WNT8B: variants seen among roughly 807,000 people sequenced by gnomAD.
WNT8B encodes protein Wnt-8b.
A neutral mutation model predicts 36.6 loss-of-function variants in WNT8B; 24 were observed. The observed-to-expected ratio is 0.66, with a 90% CI of 0.48 to 0.92. The LOEUF is 0.92. WNT8B is among the 40% of genes least tolerant of loss of function. The probability of loss-of-function intolerance (pLI) is 0.00; values close to 1 mark genes in which losing one functional copy is unlikely to be tolerated. For missense variants in WNT8B, 402 were observed against 470.8 expected (o/e 0.85, Z 1.35); for synonymous variants, 199 against 189.8 (o/e 1.05, Z -0.40).
intron 1 of WNT8B, among the ~76,000 whole-genome samples, chr10:100,463,675 G>C (rs1372714552): frequency 6.6e-6 from 1 of 151,694 alleles, no homozygotes; most frequent in Non-Finnish European, 1.5e-5. Flanking sequence ...TTTTTTTCAG[G>C]ATATTCTAAG....
chr10:100,479,970 G>C lies in WNT8B; in HGVS notation c.199G>C (p.Glu67Gln). 1 of 1,613,886 alleles carries C rather than the reference G, an allele frequency of 6.2e-7. No individual in the cohort carries two copies. The change falls in exon 3 of 6, where the codon GAG (glutamate) becomes CAG (glutamine). Residue 67 changes from glutamate to glutamine, a missense_variant. This residue lies in a region of WNT8B where 131 missense variants were observed against 152.6 expected (regional missense o/e 0.86). Transcript: ENST00000343737. ...TGCCTGGGACCGCTGGAACTGCCCT[G>C]AGAGAGCCCTGCAGCTGTCCAGCCA... is the stretch of plus-strand genomic sequence containing the variant. Reference protein sequence around the residue: ...QFAWDRWNCPERALQLSSHGG... With the variant: ...QFAWDRWNCPQRALQLSSHGG...
chr10:100,481,192 G>T, intron 4 of WNT8B, 69 bp downstream of exon 4: 1 of 1,579,674 alleles, frequency 6.3e-7, no homozygotes, highest in South Asian at 1.2e-5. Flanking sequence ...AGCCTGGTGG[G>T]GGTGAAGAAG....
intron 3 of WNT8B, among the ~76,000 whole-genome samples, chr10:100,480,739 G>A (rs1021782646): frequency 3.3e-5 from 5 of 152,146 alleles, no homozygotes; most frequent in Non-Finnish European, 5.9e-5. Flanking sequence ...CAGGCACAGT[G>A]GCTCAAGCCT....
intron 1 of WNT8B, among the ~76,000 whole-genome samples, chr10:100,477,453 C>A (rs1033553928): frequency 6.6e-6 from 1 of 151,970 alleles, no homozygotes; most frequent in African/African-American, 2.4e-5. Flanking sequence ...GTGCCCACCA[C>A]CACGCCTGGC....
intron 4 of WNT8B, 101 bp from the exon 5 acceptor site, chr10:100,481,811 C>T (rs911086527): frequency 5.3e-6 from 8 of 1,502,370 alleles, no homozygotes; most frequent in Non-Finnish European, 7.2e-6. Context: ...TAATCCTCTC[C>T]TATCCTGGAC....
At position 100,463,216 on chromosome 10, in the gene WNT8B, C is replaced by T. The variant is rs1850875652; in HGVS notation, c.48C>T (p.Val16=). 1 of 1,613,874 alleles carries T rather than the reference C, an allele frequency of 6.2e-7. No homozygotes were observed. The highest frequency in any genetic ancestry group is 1.3e-5 in the African/African-American group (1 of 74,888). The change falls in exon 1 of 6, where the codon GTC becomes GTT. Residue 16 remains valine, a synonymous_variant. Coordinates refer to ENST00000343737, the MANE Select transcript of WNT8B (RefSeq NM_003393.4). ...TGTACATCTGTCTTTTCACCTGTGTCCTCCAACTCAGCCACAGCTGGTAAG... is the reference window on the plus strand; with the variant it reads ...TGTACATCTGTCTTTTCACCTGTGTTCTCCAACTCAGCCACAGCTGGTAAG... ...PSVYICLFTC[V]LQLSHSWSVN...
chr10:100,474,652 C>T lies in WNT8B; in HGVS notation c.69-4400C>T, dbSNP rs539005349. 3.3e-5 allele frequency among the ~76,000 whole-genome samples: 5 copies of T among 152,172 alleles called. No homozygotes were observed. The South Asian group carries it at 8.3e-4, about 25-fold the overall frequency. ...CGATCTTGGCTCACTGTAAACTCCACCTCCAGGGTTCAAGTGATTCTCCTG... is the reference window on the plus strand; with the variant it reads ...CGATCTTGGCTCACTGTAAACTCCATCTCCAGGGTTCAAGTGATTCTCCTG... On this transcript the variant is annotated intron_variant, in intron 1 of 5. Coordinates refer to ENST00000343737, the MANE Select transcript of WNT8B (RefSeq NM_003393.4).
intron 1 of WNT8B, among the ~76,000 whole-genome samples, chr10:100,476,101 C>T (rs1851034939): frequency 6.9e-6 from 1 of 145,502 alleles, no homozygotes; most frequent in African/African-American, 2.6e-5. Flanking sequence ...ACCATCCTGG[C>T]AAACACAGTG....
intron 1 of WNT8B, 61 bp from the exon 2 acceptor site, chr10:100,478,991 A>T: frequency 7.0e-7 from 1 of 1,432,794 alleles, no homozygotes; most frequent in South Asian, 1.3e-5. Context: ...CACTCTTGGA[A>T]GCAGAAACAA....
chr10:100,482,056 TGA>T lies in WNT8B; in HGVS notation c.510+4_510+5del. 6.2e-7 allele frequency: 1 copy of T among 1,614,082 alleles called. No homozygotes were observed. The highest frequency in any genetic ancestry group is 8.5e-7 in the Non-Finnish European group (1 of 1,179,968). On this transcript the variant is annotated splice_donor_region_variant and intron_variant, in intron 5 of 5. Transcript: ENST00000343737. This position sits in a 1 kb window ranked among gnomAD's most constrained non-coding sequence, Gnocchi z 6.6. ...CACAACAACGAGGCTGGCCGCAAGG[TGA>T]GTCCCGCAGCCCTTGGAAATAGGCA...
chr10:100,464,794 A>C (rs1850892879), intron 1 of WNT8B, among the ~76,000 whole-genome samples: 1 of 152,262 alleles, frequency 6.6e-6, no homozygotes, highest in African/African-American at 2.4e-5. Context: ...TAATACAATT[A>C]GATTTTAATT....
intron 1 of WNT8B, among the ~76,000 whole-genome samples, chr10:100,466,405 A>G (rs1481758564): frequency 3.3e-5 from 5 of 152,150 alleles, no homozygotes; most frequent in South Asian, 2.1e-4. Context: ...AGGTTTATCA[A>G]TGAAGGCCTC....
Position 100,483,669 on chromosome 10 carries a change from G to C in WNT8B, c.*853G>C, listed in dbSNP as rs1017366138. On this transcript the variant is annotated 3_prime_UTR_variant, in exon 6 of 6. Transcript: ENST00000343737. ...CAACTTTACCTCTTCTTCTCCAAAG[G>C]ATCTTTGTTCCTCTGAGCCAAGACT... is the stretch of plus-strand genomic sequence containing the variant. The C allele has an allele frequency of 1.2e-4, 19 of 152,140 alleles. No homozygotes were observed. The highest frequency in any genetic ancestry group is 4.8e-5 in the African/African-American group (2 of 41,386). The allele number at this position is 152,140 out of a possible 1,614,324, so 9.4% of individuals were successfully genotyped here. A position where few individuals can be genotyped will look rare whatever the true frequency, so the allele number is the denominator to read the frequency against.
intron 1 of WNT8B, among the ~76,000 whole-genome samples, chr10:100,474,948 C>T (rs1851020601): frequency 6.6e-6 from 1 of 151,858 alleles, no homozygotes; most frequent in African/African-American, 2.4e-5. Context: ...CGGAGGTTAA[C>T]AACACAAGTT....
rs1377447937 is a variant in WNT8B, at chr10:100,481,030, A to G, written c.274A>G (p.Ser92Gly). The G allele has an allele frequency of 1.2e-6, 2 of 1,614,078 alleles. No individual in the cohort carries two copies. Among genetic ancestry groups the G allele is most frequent in the East Asian group, 4.5e-5 (2 of 44,864 alleles). ...GGAGACAGCATTTGTGCATGCCATC[A>G]GTTCTGCTGGAGTCATGTACACCCT... ...NRETAFVHAI[S>G]SAGVMYTLTR... Residue 92 changes from serine (S) to glycine (G), a missense_variant, in exon 4 of 6, where the codon AGT (serine) becomes GGT (glycine). Physicochemically the swap from Ser to Gly is moderately conservative, Grantham distance 56. Around this residue, in one of 3 missense-constraint regions of WNT8B, gnomAD observed 131 missense variants for 152.6 expected, o/e 0.86. Transcript: ENST00000343737.
Position 100,463,152 on chromosome 10 carries a change from T to C in WNT8B, c.-17T>C. On this transcript the variant is annotated 5_prime_UTR_variant, in exon 1 of 6. Transcript: ENST00000343737. Reference sequence around the variant, plus strand: ...CCAGTTTTTTGGAATTTTCTCTAGCTGTTACTCCAGAGGATTATGTTTCTT... The same window carrying C: ...CCAGTTTTTTGGAATTTTCTCTAGCCGTTACTCCAGAGGATTATGTTTCTT... 1 of 1,613,222 alleles carries C rather than the reference T, an allele frequency of 6.2e-7. No homozygotes were observed. Among genetic ancestry groups the C allele is most frequent in the Middle Eastern group, 1.7e-4 (1 of 6,056 alleles).
At chr10:100,481,381 C>G (rs753373274) in intron 4 of WNT8B, among the ~76,000 whole-genome samples, 1 of 152,234 alleles carries the variant, frequency 6.6e-6, no homozygotes, top group South Asian at 2.1e-4. Context: ...TCCTCTGTTG[C>G]TTCTCTCAAA....
intron 1 of WNT8B, among the ~76,000 whole-genome samples, chr10:100,477,125 A>T (rs1257089415): frequency 3.3e-5 from 5 of 152,244 alleles, no homozygotes; most frequent in Middle Eastern, 6.8e-3. Flanking sequence ...CACTATTGTT[A>T]TGTAAATAGA....
In WNT8B at chr10:100,463,049, C is replaced by A; in HGVS notation, c.-120C>A. 1 of 892,080 alleles carries A rather than the reference C, an allele frequency of 1.1e-6. No homozygotes were observed. Among genetic ancestry groups the A allele is most frequent in the Non-Finnish European group, 1.8e-6 (1 of 561,790 alleles). 55.3% of individuals were successfully genotyped at this position (892,080 alleles called of 1,614,324 possible). A position where few individuals can be genotyped will look rare whatever the true frequency, so the allele number is the denominator to read the frequency against. ...TTAACTCTGTTTGGGATCGCTTACA[C>A]ACCAAGGAAGTTGGGCTTTGAGAAT... On this transcript the variant is annotated 5_prime_UTR_variant, in exon 1 of 6. Coordinates refer to ENST00000343737, the MANE Select transcript of WNT8B (RefSeq NM_003393.4).
Sources: gnomAD v4.1 joint callset for allele counts (sites outside exome capture counted in the v4.1 genomes callset) on GRCh38, gnomAD v4.1.1 for gene constraint, gnomAD v4.1.1 regional missense constraint, Gnocchi (gnomAD v3.1) non-coding constraint, MANE v1.5 for transcripts, NCBI Gene and HGNC (gene_info 2026-07-23, HGNC 2026-07-21) for gene names.